CENPE: variants seen among roughly 807,000 people sequenced by gnomAD.
CENPE encodes the protein centromere-associated protein E.
CENPE carries 145 observed loss-of-function variants against 336.1 expected under a neutral mutation model. The observed-to-expected ratio is 0.43, with a 90% CI of 0.38 to 0.50. The LOEUF (loss-of-function observed/expected upper bound fraction) is 0.50. Among genes scored for constraint, CENPE ranks in the 20% least tolerant of loss-of-function variants. The probability of loss-of-function intolerance (pLI) is 0.00; values close to 1 mark genes in which losing one functional copy is unlikely to be tolerated. For synonymous variants in CENPE, 1,013 were observed against 984.8 expected, an observed-to-expected ratio of 1.03 and a Z score of -0.54; for missense variants, 2,719 against 3,023.3, an observed-to-expected ratio of 0.90 and a Z score of 2.36.
intron 46 of CENPE, among the ~76,000 whole-genome samples, chr4:103,112,434 T>A (rs1320680067): frequency 6.9e-6 from 1 of 145,748 alleles, no homozygotes; most frequent in South Asian, 2.1e-4. Flanking sequence ...TATATACTTA[T>A]ACATACATAT....
intron 46 of CENPE, among the ~76,000 whole-genome samples, chr4:103,112,149 T>G (rs1435278914): frequency 6.6e-6 from 1 of 151,026 alleles, no homozygotes; most frequent in Non-Finnish European, 1.5e-5. Context: ...TATATATATG[T>G]GTGCACATGC....
intron 44 of CENPE, 129 bp downstream of exon 44, chr4:103,120,019 A>T: frequency 1.6e-6 from 1 of 609,342 alleles, no homozygotes; most frequent in South Asian, 2.3e-5. Flanking sequence ...TTGAGTACTG[A>T]ACTTCAGAAA....
At chr4:103,164,322 T>G (rs1370986714) in intron 16 of CENPE, among the ~76,000 whole-genome samples, 2 of 152,098 alleles carry the variant, frequency 1.3e-5, no homozygotes, top group African/African-American at 4.8e-5. Flanking sequence ...CCCTTAGAAT[T>G]ATTTAATCTT....
chr4:103,194,803 C>T (rs1321427178), intron 5 of CENPE, 119 bp from the exon 6 acceptor site: 2 of 691,534 alleles, frequency 2.9e-6, no homozygotes, highest in African/African-American at 1.8e-5. Context: ...CAAATGGAAC[C>T]ATAATTCTGT....
intron 41 of CENPE, 60 bp from the exon 42 acceptor site, chr4:103,132,956 TTA>T: frequency 6.3e-6 from 1 of 159,552 alleles, no homozygotes; most frequent in South Asian, 2.1e-4. Context: ...TCCAAATATT[TTA>T]TTTATATATA....
At chr4:103,151,176 T>G in intron 26 of CENPE, 43 bp downstream of exon 26, 1 of 1,564,470 alleles carries the variant, frequency 6.4e-7, no homozygotes, top group Non-Finnish European at 8.6e-7. Flanking sequence ...AAAAAAAAGT[T>G]TAGTTAGAAA....
At chr4:103,175,561 C>T (rs987714404) in intron 15 of CENPE, among the ~76,000 whole-genome samples, 5 of 152,048 alleles carry the variant, frequency 3.3e-5, no homozygotes, top group South Asian at 2.1e-4. Context: ...AAAGTAAACA[C>T]GGAATCTAAA....
At chr4:103,180,579 T>G (rs1756246851) in intron 12 of CENPE, 110 bp from the exon 13 acceptor site, 2 of 669,822 alleles carry the variant, frequency 3.0e-6, no homozygotes, top group Non-Finnish European at 4.6e-6. Flanking sequence ...CTATAAGAAT[T>G]TTAATTTCAC....
chr4:103,113,155 TATATATACTTATAA>T (rs1238096435), intron 46 of CENPE, among the ~76,000 whole-genome samples: 2 of 133,602 alleles, frequency 1.5e-5, no homozygotes, highest in African/African-American at 5.5e-5. Flanking sequence ...TATATAAGTG[TATATATACTTATAA>T]GTATATAAGT....
At chr4:103,177,070 A>C (rs145139510) in intron 13 of CENPE, 24 bp from the exon 14 acceptor site, 2 of 1,577,522 alleles carry the variant, frequency 1.3e-6, no homozygotes, top group African/African-American at 2.7e-5. Flanking sequence ...AATCAAAATT[A>C]TGTCATATAG....
At chr4:103,108,448 AAAT>A (rs1749091408) in intron 48 of CENPE, among the ~76,000 whole-genome samples, 2 of 152,304 alleles carry the variant, frequency 1.3e-5, no homozygotes, top group South Asian at 4.1e-4. Flanking sequence ...TGGGTAAAGT[AAAT>A]ATAATGCTAT....
intron 47 of CENPE, among the ~76,000 whole-genome samples, chr4:103,110,312 A>G (rs1240065260): frequency 6.6e-6 from 1 of 152,124 alleles, no homozygotes; most frequent in East Asian, 1.9e-4. Context: ...CCCTTTTATA[A>G]TGTCCTTTTT....
chr4:103,163,627 A>G (rs889353144), intron 16 of CENPE, 74 bp from the exon 17 acceptor site: 4 of 657,610 alleles, frequency 6.1e-6, no homozygotes, highest in African/African-American at 2.0e-5. Flanking sequence ...AAAAAAAAAG[A>G]AAAAGAAAAA....
At chr4:103,109,824 G>A (rs772316039) in intron 47 of CENPE, among the ~76,000 whole-genome samples, 13 of 152,076 alleles carry the variant, frequency 8.5e-5, no homozygotes, top group Non-Finnish European at 1.6e-4. Flanking sequence ...CTCCAGTGCA[G>A]GTAATCCTGC....
In CENPE at chr4:103,196,190, T is replaced by C; in HGVS notation, c.211A>G (p.Ile71Val). ...TTGTAGCCTTGTATGGCAGAATCGA[T>C]GATTGGTGCTGCTATTTCTTCATAC... is the stretch of plus-strand genomic sequence containing the variant. ...NVYEEIAAPI[I>V]DSAIQGYNGT... is the part of the protein sequence containing the mutation. The change falls in exon 3 of 49, where the codon ATC (isoleucine) becomes GTC (valine). Residue 71 changes from isoleucine (I) to valine (V), a missense_variant. By Grantham distance (29) the Ile-to-Val change is conservative. Transcript: ENST00000265148. The C allele has an allele frequency of 6.2e-7, 1 of 1,613,922 alleles. No homozygotes were observed. Among genetic ancestry groups the C allele is most frequent in the Non-Finnish European group, 8.5e-7 (1 of 1,179,840 alleles).
intron 43 of CENPE, 70 bp from the exon 44 acceptor site, chr4:103,120,403 G>C (rs1436485037): frequency 1.1e-5 from 14 of 1,279,320 alleles, no homozygotes; most frequent in Non-Finnish European, 1.5e-5. Context: ...ATTTGAGACA[G>C]AGATGATCAT....
At position 103,123,098 on chromosome 4, in the gene CENPE, C is replaced by G; in HGVS notation, c.6925-9G>C. On this transcript the variant is annotated splice_polypyrimidine_tract_variant and intron_variant, in intron 42 of 48. Coordinates refer to ENST00000265148, the MANE Select transcript of CENPE (RefSeq NM_001813.3). Reference sequence around the variant, plus strand: ...GATTCATTCATTATGGCCTATTGAACAGTAAAATACCATTATAGCTCTAAA... The same window carrying G: ...GATTCATTCATTATGGCCTATTGAAGAGTAAAATACCATTATAGCTCTAAA... The G allele has an allele frequency of 1.9e-6, 3 of 1,593,352 alleles. No individual in the cohort carries two copies. The highest frequency in any genetic ancestry group is 2.6e-6 in the Non-Finnish European group (3 of 1,161,634).
chr4:103,140,137 A>G, intron 37 of CENPE, 58 bp from the exon 38 acceptor site: 1 of 1,477,196 alleles, frequency 6.8e-7, no homozygotes, highest in Non-Finnish European at 9.2e-7. Flanking sequence ...GAAGGCAAAT[A>G]GTGTCTACTT....
In CENPE at chr4:103,163,649, G is replaced by A. The variant is rs541278632; in HGVS notation, c.1648-96C>T. 5.1e-5 allele frequency: 28 copies of A among 548,212 alleles called. No homozygotes were observed. In the East Asian group the frequency reaches 8.5e-4, roughly 17 times the overall value. 34.0% of individuals were successfully genotyped at this position (548,212 alleles called of 1,614,324 possible). On this transcript the variant is annotated intron_variant, in intron 16 of 48. Transcript: ENST00000265148. ...AAGAAAAAGAAAAAAAAGGGCACTG[G>A]TTCACTGCTTCAGAATCACCCAACA...
Sources: allele counts gnomAD v4.1 joint callset (sites outside exome capture counted in the v4.1 genomes callset), GRCh38; gene constraint gnomAD v4.1.1; transcripts MANE v1.5; gene names NCBI Gene and HGNC (gene_info 2026-07-23, HGNC 2026-07-21).